NHSL2: variants seen among roughly 807,000 people sequenced by gnomAD.
The protein encoded by NHSL2 is NHS like 2.
Under a neutral mutation model 53.4 loss-of-function variants are expected in NHSL2, and 27 were observed. That is an observed-to-expected ratio of 0.51 (90% CI 0.37 to 0.70). NHSL2 has a LOEUF of 0.70. Among genes scored for constraint, NHSL2 ranks in the 30% least tolerant of loss-of-function variants. The pLI is 0.00. For synonymous variants in NHSL2, 408 were observed against 404.1 expected (o/e 1.01, Z -0.12); for missense variants, 892 against 980.1 (o/e 0.91, Z 1.20).
chrX:72,004,997 C>G (rs1178685578), intron 1 of NHSL2, among the ~76,000 whole-genome samples: 1 of 111,329 alleles, frequency 9.0e-6, no homozygotes, highest in East Asian at 2.8e-4. Context: ...GATCACGTTT[C>G]CCACCCACCG....
intron 1 of NHSL2, among the ~76,000 whole-genome samples, chrX:71,967,593 A>G (rs1367692183): frequency 8.9e-6 from 1 of 111,891 alleles, no homozygotes; most frequent in Non-Finnish European, 1.9e-5. Flanking sequence ...AGGATTTTCT[A>G]GACGTCTTTC....
intron 1 of NHSL2, among the ~76,000 whole-genome samples, chrX:71,988,583 T>A (rs1411607234): frequency 9.1e-6 from 1 of 110,475 alleles, no homozygotes; most frequent in East Asian, 2.8e-4. Context: ...AGACACTAAC[T>A]CCCCTAAATT....
chrX:72,015,678 C>T (rs1385023695), intron 1 of NHSL2, among the ~76,000 whole-genome samples: 1 of 111,960 alleles, frequency 8.9e-6, no homozygotes, highest in Non-Finnish European at 1.9e-5. Context: ...CTTTGAGTTC[C>T]GAATGTAATG....
chrX:72,077,437 T>C (rs925145624), intron 1 of NHSL2, among the ~76,000 whole-genome samples: 9 of 110,950 alleles, frequency 8.1e-5, no homozygotes, highest in African/African-American at 3.0e-4. Flanking sequence ...CTGCTGGTTC[T>C]GAGGATGAAG....
chrX:71,994,128 T>TATTC (rs933478457), intron 1 of NHSL2, among the ~76,000 whole-genome samples: 6 of 111,657 alleles, frequency 5.4e-5, no homozygotes, highest in Non-Finnish European at 7.5e-5. Flanking sequence ...CATATTAGTA[T>TATTC]ATTCATTCAT....
At chrX:72,029,213 T>G (rs144755976) in intron 1 of NHSL2, among the ~76,000 whole-genome samples, 86 of 111,415 alleles carry the variant, frequency 7.7e-4, no homozygotes, top group African/African-American at 2.8e-3. Flanking sequence ...CACAAGGACC[T>G]AATGCATACA....
intron 1 of NHSL2, among the ~76,000 whole-genome samples, chrX:72,089,234 G>A (rs1402928202): frequency 5.3e-5 from 5 of 95,000 alleles, no homozygotes; most frequent in Non-Finnish European, 1.0e-4. Flanking sequence ...TCGTGAAATG[G>A]ACAGGAGGAT....
chrX:72,069,863 G>A (rs2042456768), intron 1 of NHSL2: 2 of 333,515 alleles, frequency 6.0e-6, no homozygotes, highest in South Asian at 1.9e-4. Context: ...CTGGCAGGGG[G>A]CAGGGAGAGA....
chrX:71,930,767 C>T (rs2041708994), intron 1 of NHSL2, among the ~76,000 whole-genome samples: 1 of 112,333 alleles, frequency 8.9e-6, no homozygotes, highest in African/African-American at 3.2e-5. Flanking sequence ...TATGGATGGA[C>T]CATAGTTTGT....
chrX:71,963,987 A>G lies in NHSL2; in HGVS notation c.280+52620A>G, dbSNP rs1042322931. 2.1e-3 allele frequency among the ~76,000 whole-genome samples: 114 copies of G among 53,646 alleles called. 1 individual carries two copies. Among genetic ancestry groups the G allele is most frequent in the South Asian group, 0.014 (13 of 926 alleles). 46.6% of individuals were successfully genotyped at this position (53,646 alleles called of 115,157 possible). ...CATATATATATACATATATATATATATATATGTATATACATATATATATGT... is the reference window on the plus strand; with the variant it reads ...CATATATATATACATATATATATATGTATATGTATATACATATATATATGT... On this transcript the variant is annotated intron_variant, in intron 1 of 7. Coordinates refer to ENST00000633930, the MANE Select transcript of NHSL2 (RefSeq NM_001013627.3).
chrX:71,919,734 A>G (rs2041647522), intron 1 of NHSL2, among the ~76,000 whole-genome samples: 1 of 111,132 alleles, frequency 9.0e-6, no homozygotes, highest in Non-Finnish European at 1.9e-5. Flanking sequence ...AGGCACCACC[A>G]AGAGTCAAGG....
Position 72,138,960 on chromosome X carries a change from C to T in NHSL2, c.1412C>T (p.Pro471Leu), listed in dbSNP as rs780021457. The change falls in exon 6 of 8, where the codon CCC (proline) becomes CTC (leucine). Residue 471 changes from proline (P) to leucine (L), a missense_variant. Pro to Leu is a moderately conservative substitution (Grantham distance 98). Coordinates refer to ENST00000633930, the MANE Select transcript of NHSL2 (RefSeq NM_001013627.3). ...CAGCAAAGGCACATGCCCGAAAGAC[C>T]CTCCAAGATTGGCCTTCTGACCAGT... ...LIQQRHMPER[P>L]SKIGLLTSGT... is the part of the protein sequence containing the mutation. 3 of 1,201,402 alleles carry T rather than the reference C, an allele frequency of 2.5e-6. No homozygotes were observed. The highest frequency in any genetic ancestry group is 3.4e-6 in the Non-Finnish European group (3 of 890,657).
rs1306571225 is a variant in NHSL2 at position 72,148,696 on chromosome X, G to C, written c.*5122G>C. ...TAATAAGGTTAGCAAGAAGAAATTT[G>C]CATGAGTAATGAGCAATGTGAAATG... On this transcript the variant is annotated 3_prime_UTR_variant, in exon 8 of 8. Transcript: ENST00000633930. 1 of 111,658 alleles carries C rather than the reference G, an allele frequency of 9.0e-6. No individual in the cohort carries two copies. The highest frequency in any genetic ancestry group is 1.9e-5 in the Non-Finnish European group (1 of 53,139). 9.2% of individuals were successfully genotyped at this position (111,658 alleles called of 1,213,427 possible). A position where few individuals can be genotyped will look rare whatever the true frequency, so the allele number is the denominator to read the frequency against.
intron 1 of NHSL2, among the ~76,000 whole-genome samples, chrX:72,058,441 T>C (rs2042381359): frequency 9.0e-6 from 1 of 111,583 alleles, no homozygotes; most frequent in African/African-American, 3.3e-5. Flanking sequence ...GCCTTCCCGA[T>C]TCAAGCGATT....
At chrX:72,067,376 A>G (rs1417625015) in intron 1 of NHSL2, among the ~76,000 whole-genome samples, 2 of 111,000 alleles carry the variant, frequency 1.8e-5, no homozygotes, top group Non-Finnish European at 3.8e-5. Context: ...CAAGTGCACA[A>G]CCCAAGCAAA....
rs1460831275 is a variant in NHSL2 at position 72,150,650 on chromosome X, G to A, written c.*7076G>A. ...AACATTCTTTGCCTAATGTTCCTTA[G>A]TGTGGCTCTCTCTTTAGTTGGGGCC... On this transcript the variant is annotated 3_prime_UTR_variant, in exon 8 of 8. Coordinates refer to ENST00000633930, the MANE Select transcript of NHSL2 (RefSeq NM_001013627.3). 1 of 112,180 alleles carries A rather than the reference G, an allele frequency of 8.9e-6. No individual in the cohort carries two copies. The highest frequency in any genetic ancestry group is 1.9e-5 in the Non-Finnish European group (1 of 53,270). 9.2% of individuals were successfully genotyped at this position (112,180 alleles called of 1,213,427 possible).
intron 1 of NHSL2, among the ~76,000 whole-genome samples, chrX:72,024,353 C>T (rs1453713357): frequency 8.9e-6 from 1 of 111,787 alleles, no homozygotes; most frequent in Non-Finnish European, 1.9e-5. Context: ...GACTTCTCCT[C>T]AGGTGAAGCC....
intron 1 of NHSL2, among the ~76,000 whole-genome samples, chrX:71,918,071 T>A (rs1280752943): frequency 1.8e-5 from 2 of 111,877 alleles, no homozygotes; most frequent in Non-Finnish European, 3.8e-5. Flanking sequence ...CAACCTCGGC[T>A]CCTTCATGCT....
rs773347619 is a variant in NHSL2 at position 72,066,359 on chromosome X, G to A, written c.281-65720G>A. Reference sequence around the variant, plus strand: ...GAAAGCACTGAATGTGGAGATAGACGGGGGTCCAAAACCTGGCTGCACCAT... The same window carrying A: ...GAAAGCACTGAATGTGGAGATAGACAGGGGTCCAAAACCTGGCTGCACCAT... On this transcript the variant is annotated intron_variant, in intron 1 of 7. Coordinates refer to ENST00000633930, the MANE Select transcript of NHSL2 (RefSeq NM_001013627.3). Among the ~76,000 whole-genome samples, 6 of 111,797 alleles carry A rather than the reference G, an allele frequency of 5.4e-5. No homozygotes were observed. In the South Asian group the frequency reaches 1.9e-3, roughly 35 times the overall value.
Sources: allele counts gnomAD v4.1 joint callset (sites outside exome capture counted in the v4.1 genomes callset), GRCh38; gene constraint gnomAD v4.1.1; transcripts MANE v1.5; gene names NCBI Gene and HGNC (gene_info 2026-07-23, HGNC 2026-07-21).